AGAP1: variants seen among roughly 807,000 people sequenced by gnomAD.
The protein encoded by AGAP1 is ArfGAP with GTPase domain, ankyrin repeat and PH domain 1.
AGAP1 carries 29 observed loss-of-function variants against 105.3 expected under a neutral mutation model. The ratio of observed to expected loss-of-function variants is 0.28; its 90% CI spans 0.21 to 0.38. AGAP1 has a LOEUF of 0.38. Among genes scored for constraint, AGAP1 ranks in the 10% least tolerant of loss-of-function variants. AGAP1 has a pLI of 1.00. For missense variants in AGAP1, 998 were observed against 1,165.1 expected (o/e 0.86, Z 2.09); for synonymous variants, 509 against 485.9 (o/e 1.05, Z -0.63).
chr2:235,828,320 C>T (rs2106328542), intron 9 of AGAP1, among the ~76,000 whole-genome samples: 1 of 152,172 alleles, frequency 6.6e-6, no homozygotes, highest in South Asian at 2.1e-4. Context: ...TATCCCAGAC[C>T]CCTAGAGTAG....
rs1382687942 is a variant in AGAP1 at position 235,793,976 on chromosome 2, CAT to C, written c.674-3781_674-3780del. ...TTTTTTTATTATTGAAGAATGGAAA[CAT>C]ACATGAAAGTGTATTTGGGCTTAAA... is the stretch of plus-strand genomic sequence containing the variant. On this transcript the variant is annotated intron_variant, in intron 6 of 17. Transcript: ENST00000304032. This position sits in a 1 kb window ranked among gnomAD's most constrained non-coding sequence, Gnocchi z 5.3. Among the ~76,000 whole-genome samples the C allele has an allele frequency of 6.6e-6, 1 of 151,920 alleles. No homozygotes were observed. Among genetic ancestry groups the C allele is most frequent in the African/African-American group, 2.4e-5 (1 of 41,344 alleles).
intron 13 of AGAP1, among the ~76,000 whole-genome samples, chr2:236,018,401 G>A (rs760001268): frequency 2.0e-5 from 3 of 152,202 alleles, no homozygotes; most frequent in Non-Finnish European, 2.9e-5. Context: ...ACGTTGTGCA[G>A]GAGGAAACTC....
In AGAP1 at chr2:235,798,692, A is replaced by G. The variant is rs1023328364; in HGVS notation, c.802-675A>G. 4.6e-5 allele frequency among the ~76,000 whole-genome samples: 7 copies of G among 152,134 alleles called. 1 individual carries two copies. Among genetic ancestry groups the G allele is most frequent in the Middle Eastern group, 6.8e-3 (2 of 294 alleles). ...CAGTAGTTCAAGACCAGCCTGGGCA[A>G]CGTGGCAGAACCACACCTCTGTATC... On this transcript the variant is annotated intron_variant, in intron 7 of 17. Transcript: ENST00000304032.
intron 15 of AGAP1, among the ~76,000 whole-genome samples, chr2:236,043,950 G>A (rs3768953): frequency 0.097 from 14,683 of 152,042 alleles, 807 homozygotes; most frequent in East Asian, 0.21. Flanking sequence ...GTGGAATTTG[G>A]AATTGTGGTA....
intron 1 of AGAP1, among the ~76,000 whole-genome samples, chr2:235,697,860 C>T (rs146311839): frequency 7.5e-4 from 114 of 152,264 alleles, no homozygotes; most frequent in African/African-American, 2.6e-3. Flanking sequence ...TTGTCTCCTG[C>T]GTTCTTTATT....
rs779124465 is a variant in AGAP1 at position 235,919,549 on chromosome 2, T to C, written c.1324+10643T>C. 1.3e-5 allele frequency among the ~76,000 whole-genome samples: 2 copies of C among 152,156 alleles called. No homozygotes were observed. The highest frequency in any genetic ancestry group is 4.8e-5 in the African/African-American group (2 of 41,442). The stretch of plus-strand genomic sequence containing the variant: ...GCTGGATTCAGTTGTGAGATCATTT[T>C]GTAAGAACTGGAAAGCAGAGAAAGA... On this transcript the variant is annotated intron_variant, in intron 11 of 17. Transcript: ENST00000304032. This position sits in a 1 kb window ranked among gnomAD's most constrained non-coding sequence, Gnocchi z 4.1.
chr2:235,944,339 A>G (rs1441509798), intron 12 of AGAP1, among the ~76,000 whole-genome samples: 3 of 152,238 alleles, frequency 2.0e-5, no homozygotes, highest in Admixed American at 2.0e-4. Context: ...GCATTCATCA[A>G]GTTAACAACC....
At position 235,967,711 on chromosome 2, in the gene AGAP1, G is replaced by T. The variant is rs1003827612; in HGVS notation, c.1484-751G>T. Among the ~76,000 whole-genome samples the T allele has an allele frequency of 6.6e-6, 1 of 152,184 alleles. No homozygotes were observed. Among genetic ancestry groups the T allele is most frequent in the Non-Finnish European group, 1.5e-5 (1 of 68,034 alleles). ...TTTTCAGTGGGCTTTTTTCCACCCG[G>T]CTTGAATTATATGCGCGTTCTGGTC... On this transcript the variant is annotated intron_variant, in intron 12 of 17. Transcript: ENST00000304032. This position sits in a 1 kb window ranked among gnomAD's most constrained non-coding sequence, Gnocchi z 4.7.
chr2:235,707,138 G>T (rs1469634632), intron 1 of AGAP1, among the ~76,000 whole-genome samples: 1 of 152,254 alleles, frequency 6.6e-6, no homozygotes, highest in Non-Finnish European at 1.5e-5. Flanking sequence ...AGTGGGAGGA[G>T]AGTAGAGGGG....
At chr2:235,522,567 G>A (rs1364318604) in intron 1 of AGAP1, among the ~76,000 whole-genome samples, 3 of 152,142 alleles carry the variant, frequency 2.0e-5, no homozygotes, top group African/African-American at 7.2e-5. Flanking sequence ...CAGGTTTTTG[G>A]TTGGGAGAGA....
At position 235,596,394 on chromosome 2, in the gene AGAP1, A is replaced by G. The variant is rs1162329087; in HGVS notation, c.163+101545A>G. On this transcript the variant is annotated intron_variant, in intron 1 of 17. Coordinates refer to ENST00000304032, the MANE Select transcript of AGAP1 (RefSeq NM_001037131.3). This position sits in a 1 kb window ranked among gnomAD's most constrained non-coding sequence, Gnocchi z 5.9. The stretch of plus-strand genomic sequence containing the variant: ...GAGTCTACCTGGGGAGGGGCATCCC[A>G]GAGACTTACTCCAGCTGCTTAACTC... 6.6e-6 allele frequency among the ~76,000 whole-genome samples: 1 copy of G among 152,202 alleles called. No homozygotes were observed. Among genetic ancestry groups the G allele is most frequent in the Admixed American group, 6.5e-5 (1 of 15,280 alleles).
chr2:235,777,012 G>A lies in AGAP1; in HGVS notation c.674-20747G>A, dbSNP rs1476371468. ...GTTCCCAGCACGTTTTATCATGTGA[G>A]CGTCTGCTCTTGAGAGGCCAGGCTG... On this transcript the variant is annotated intron_variant, in intron 6 of 17. Transcript: ENST00000304032. The surrounding 1 kb of genome is among the most constrained non-coding windows in gnomAD (Gnocchi z 5.1). 1 of 471,194 alleles carries A rather than the reference G, an allele frequency of 2.1e-6. No individual in the cohort carries two copies. Among genetic ancestry groups the A allele is most frequent in the Admixed American group, 2.3e-5 (1 of 42,592 alleles). The allele number at this position is 471,194 out of a possible 1,614,324, so 29.2% of individuals were successfully genotyped here. A position where few individuals can be genotyped will look rare whatever the true frequency, so the allele number is the denominator to read the frequency against.
rs138431282 is a variant in AGAP1, at chr2:235,930,935, C to T, written c.1483+12C>T. ...GGCCATCAGCAGTGGTAAGAGGGGG[C>T]TCAGCCCCACGGACCCGCAGCCACC... On this transcript the variant is annotated intron_variant, in intron 12 of 17. Coordinates refer to ENST00000304032, the MANE Select transcript of AGAP1 (RefSeq NM_001037131.3). The surrounding 1 kb of genome is among the most constrained non-coding windows in gnomAD (Gnocchi z 7.9). The T allele has an allele frequency of 1.2e-4, 192 of 1,612,036 alleles. No individual in the cohort carries two copies. The African/African-American group carries it at 2.1e-3, about 18-fold the overall frequency.
chr2:235,502,277 C>A (rs1941592712), intron 1 of AGAP1, among the ~76,000 whole-genome samples: 1 of 152,136 alleles, frequency 6.6e-6, no homozygotes, highest in Admixed American at 6.5e-5. Flanking sequence ...ATACCACCCC[C>A]TGCAGAAGAG....
chr2:235,540,203 T>G (rs1943390582), intron 1 of AGAP1, among the ~76,000 whole-genome samples: 4 of 148,446 alleles, frequency 2.7e-5, no homozygotes. Context: ...CAGGCTGGAG[T>G]GCAGTGGTGC....
rs2055118393 is a variant in AGAP1 at position 235,981,961 on chromosome 2, A to G, written c.1645+13338A>G. Among the ~76,000 whole-genome samples, 1 of 152,224 alleles carries G rather than the reference A, an allele frequency of 6.6e-6. No homozygotes were observed. Among genetic ancestry groups the G allele is most frequent in the Non-Finnish European group, 1.5e-5 (1 of 68,034 alleles). On this transcript the variant is annotated intron_variant, in intron 13 of 17. Transcript: ENST00000304032. This position sits in a 1 kb window ranked among gnomAD's most constrained non-coding sequence, Gnocchi z 5.5. ...CCTACAGAAGAAGTTCATATAAAATAAGGGGTTTTATTATGGGTTATCTGA... is the reference window on the plus strand; with the variant it reads ...CCTACAGAAGAAGTTCATATAAAATGAGGGGTTTTATTATGGGTTATCTGA...
rs541633195 is a variant in AGAP1, at chr2:236,038,942, C to T, written c.1801-1809C>T. Among the ~76,000 whole-genome samples the T allele has an allele frequency of 5.5e-4, 83 of 152,148 alleles. 1 individual carries two copies. The highest frequency in any genetic ancestry group is 1.7e-3 in the African/African-American group (71 of 41,510). ...ACCAAAGGGAATTAAAATTCAATAA[C>T]GCATGATGCTAATTAGACAGTAGTG... On this transcript the variant is annotated intron_variant, in intron 14 of 17. Transcript: ENST00000304032. This position sits in a 1 kb window ranked among gnomAD's most constrained non-coding sequence, Gnocchi z 4.5.
At chr2:235,856,447 TG>T (rs1221518399) in intron 9 of AGAP1, among the ~76,000 whole-genome samples, 6 of 152,252 alleles carry the variant, frequency 3.9e-5, no homozygotes, top group African/African-American at 1.4e-4. Flanking sequence ...GGGTTGGGGC[TG>T]CCATCAGGAT....
rs892989106 is a variant in AGAP1, at chr2:236,002,582, A to G, written c.1645+33959A>G. On this transcript the variant is annotated intron_variant, in intron 13 of 17. Transcript: ENST00000304032. The surrounding 1 kb of genome is among the most constrained non-coding windows in gnomAD (Gnocchi z 4.3). ...AGAAGGCCTTGGAAAGAATTACTTC[A>G]TGCATTCCTGTTCATTGGCGGTCTT... 6.6e-6 allele frequency among the ~76,000 whole-genome samples: 1 copy of G among 152,180 alleles called. No homozygotes were observed. The highest frequency in any genetic ancestry group is 1.5e-5 in the Non-Finnish European group (1 of 68,040).
Sources: gnomAD v4.1 joint callset for allele counts (sites outside exome capture counted in the v4.1 genomes callset) on GRCh38, gnomAD v4.1.1 for gene constraint, Gnocchi (gnomAD v3.1) non-coding constraint, MANE v1.5 for transcripts, NCBI Gene and HGNC (gene_info 2026-07-23, HGNC 2026-07-21) for gene names.